The following ARMC6 variants were observed in gnomAD, a reference collection of about 807,000 sequenced individuals.
The protein encoded by ARMC6 is armadillo repeat containing 6.
ARMC6 carries 43 observed loss-of-function variants against 49.2 expected under a neutral mutation model. That is an observed-to-expected ratio of 0.87 (90% confidence interval 0.69 to 1.13). The LOEUF (loss-of-function observed/expected upper bound fraction) is 1.13. Among genes scored for constraint, ARMC6 ranks in the 50% most tolerant of loss-of-function variants. ARMC6 has a pLI of 0.00. For synonymous variants in ARMC6, 262 were observed against 289.6 expected (o/e 0.90, Z 0.97); for missense variants, 627 against 682.0 (o/e 0.92, Z 0.90).
chr19:19,053,313 C>T (rs987691763), intron 5 of ARMC6, among the ~76,000 whole-genome samples: 1 of 151,994 alleles, frequency 6.6e-6, no homozygotes, highest in African/African-American at 2.4e-5. Flanking sequence ...CATGATGAAA[C>T]CCTGTTTCTA....
intron 2 of ARMC6, among the ~76,000 whole-genome samples, chr19:19,037,055 G>A (rs2269807): frequency 0.91 from 138,747 of 152,248 alleles, 63,437 homozygotes; most frequent in African/African-American, 0.98. Flanking sequence ...GCGTGGTGGC[G>A]TGGGCCTGTA....
At chr19:19,039,278 G>T (rs1031321415) in intron 2 of ARMC6, 11 of 401,430 alleles carry the variant, frequency 2.7e-5, no homozygotes, top group African/African-American at 1.6e-4. Flanking sequence ...TCAACCACAC[G>T]CAAATGCCAC....
At chr19:19,048,903 T>A (rs568922988) in intron 4 of ARMC6, among the ~76,000 whole-genome samples, 1 of 152,286 alleles carries the variant, frequency 6.6e-6, no homozygotes, top group African/African-American at 2.4e-5. Context: ...CAAAAAAGTC[T>A]TACGATGATC....
intron 4 of ARMC6, among the ~76,000 whole-genome samples, chr19:19,046,955 CTT>C (rs1405584876): frequency 3.4e-4 from 24 of 71,056 alleles, no homozygotes; most frequent in East Asian, 4.7e-4. Context: ...TTTTCTATTT[CTT>C]TTTTTTTTTT....
At chr19:19,037,529 G>T (rs1310535883) in intron 2 of ARMC6, 1 of 613,348 alleles carries the variant, frequency 1.6e-6, no homozygotes, top group Admixed American at 2.4e-5. Flanking sequence ...CCCACACCTG[G>T]CTAATTTTGG....
intron 4 of ARMC6, among the ~76,000 whole-genome samples, chr19:19,049,389 C>T (rs1304948358): frequency 6.6e-6 from 1 of 152,098 alleles, no homozygotes; most frequent in Non-Finnish European, 1.5e-5. Flanking sequence ...TCCTTGCTAA[C>T]TTAGTAATTC....
At chr19:19,057,261 T>C (rs1175715164) in intron 8 of ARMC6, among the ~76,000 whole-genome samples, 155 bp from the exon 9 acceptor site, 1 of 152,162 alleles carries the variant, frequency 6.6e-6, no homozygotes, top group African/African-American at 2.4e-5. Flanking sequence ...GAGGGTAAAG[T>C]AGAGAGATGG....
At chr19:19,034,479 G>A (rs1285440504) in intron 2 of ARMC6, among the ~76,000 whole-genome samples, 1 of 152,222 alleles carries the variant, frequency 6.6e-6, no homozygotes, top group East Asian at 1.9e-4. Flanking sequence ...GGCTCTGGGA[G>A]TGGCAGGTGA....
At chr19:19,040,017 G>T (rs569117640) in intron 2 of ARMC6, among the ~76,000 whole-genome samples, 1 of 152,168 alleles carries the variant, frequency 6.6e-6, no homozygotes, top group African/African-American at 2.4e-5. Flanking sequence ...CAGTTCCTCA[G>T]CCACACTGCC....
In ARMC6 at chr19:19,039,700, C is replaced by T. The variant is rs149203382; in HGVS notation, c.30-3011C>T. On this transcript the variant is annotated intron_variant, in intron 2 of 8. Transcript: ENST00000535612. ...GACATCATGTTTTTGAGGTCTATCT[C>T]CATTGTAGCATGCTTCAGCACCTCA... 1.5e-4 allele frequency among the ~76,000 whole-genome samples: 23 copies of T among 152,290 alleles called. 1 individual carries two copies. The East Asian group carries it at 4.4e-3, about 29-fold the overall frequency.
At chr19:19,034,651 T>A (rs2059329512) in intron 2 of ARMC6, among the ~76,000 whole-genome samples, 1 of 152,084 alleles carries the variant, frequency 6.6e-6, no homozygotes. Flanking sequence ...TGTAGTGGCA[T>A]GATCTTGACT....
chr19:19,038,199 C>T (rs934851362), intron 2 of ARMC6, among the ~76,000 whole-genome samples: 1 of 152,140 alleles, frequency 6.6e-6, no homozygotes, highest in Non-Finnish European at 1.5e-5. Context: ...CTCAGGGCTC[C>T]CACTGATCCT....
intron 2 of ARMC6, 114 bp downstream of exon 2, chr19:19,034,352 G>C (rs1471257787): frequency 6.0e-6 from 8 of 1,333,214 alleles, no homozygotes; most frequent in Non-Finnish European, 8.3e-6. Context: ...AGAAAGGCGG[G>C]GAAGAGGAAC....
chr19:19,033,820 C>T lies in ARMC6; in HGVS notation c.-190C>T. 3.7e-6 allele frequency: 1 copy of T among 267,664 alleles called. No homozygotes were observed. The highest frequency in any genetic ancestry group is 7.8e-5 in the South Asian group (1 of 12,856). 16.6% of individuals were successfully genotyped at this position (267,664 alleles called of 1,614,324 possible). A position where few individuals can be genotyped will look rare whatever the true frequency, so the allele number is the denominator to read the frequency against. On this transcript the variant is annotated 5_prime_UTR_variant, in exon 1 of 9. Coordinates refer to ENST00000535612, the MANE Select transcript of ARMC6 (RefSeq NM_001199196.2). ...GTCCGCGAGTCTCTGGGAGGCCAAG[C>T]CTAGGGGCGCCACAGCGCCTGCGCG...
rs575382465 is a variant in ARMC6 at position 19,041,927 on chromosome 19, T to C, written c.30-784T>C. Reference sequence around the variant, plus strand: ...TGTTAGAATCTTTTTTTTTTCTTTTTGAGTCAGGGGCTTGCTCTGTTGCCC... The same window carrying C: ...TGTTAGAATCTTTTTTTTTTCTTTTCGAGTCAGGGGCTTGCTCTGTTGCCC... On this transcript the variant is annotated intron_variant, in intron 2 of 8. Transcript: ENST00000535612. 2.6e-5 allele frequency among the ~76,000 whole-genome samples: 4 copies of C among 152,304 alleles called. No homozygotes were observed. In the East Asian group the frequency reaches 5.8e-4, roughly 22 times the overall value.
intron 4 of ARMC6, among the ~76,000 whole-genome samples, chr19:19,051,375 C>CTCTGTGTGTG (rs372606082): frequency 3.9e-4 from 55 of 139,756 alleles, no homozygotes; most frequent in African/African-American, 1.0e-3. Context: ...CTCTCTCTCT[C>CTCTGTGTGTG]TGTGTGTGTG....
intron 4 of ARMC6, among the ~76,000 whole-genome samples, chr19:19,050,825 G>T (rs559193795): frequency 2.6e-5 from 4 of 152,336 alleles, no homozygotes; most frequent in African/African-American, 9.6e-5. Context: ...CTTTGGGCTG[G>T]TGGTTTCTGT....
chr19:19,055,017 C>A lies in ARMC6; in HGVS notation c.1024-248C>A, dbSNP rs2059531584. Among the ~76,000 whole-genome samples, 1 of 152,194 alleles carries A rather than the reference C, an allele frequency of 6.6e-6. No individual in the cohort carries two copies. The highest frequency in any genetic ancestry group is 2.4e-5 in the African/African-American group (1 of 41,450). ...GCCGTGGACAGGGGGACCCTGTGCT[C>A]TGAAGGCCGGCCTGAGTCACATGCC... On this transcript the variant is annotated intron_variant, in intron 6 of 8. Coordinates refer to ENST00000535612, the MANE Select transcript of ARMC6 (RefSeq NM_001199196.2). This position sits in a 1 kb window ranked among gnomAD's most constrained non-coding sequence, Gnocchi z 5.7.
chr19:19,042,184 C>T (rs1400149206), intron 2 of ARMC6, among the ~76,000 whole-genome samples: 1 of 152,148 alleles, frequency 6.6e-6, no homozygotes, highest in African/African-American at 2.4e-5. Flanking sequence ...GGCATTGACC[C>T]ACTGCGCCCA....
Sources: gnomAD v4.1 joint callset for allele counts (sites outside exome capture counted in the v4.1 genomes callset) on GRCh38, gnomAD v4.1.1 for gene constraint, Gnocchi (gnomAD v3.1) non-coding constraint, MANE v1.5 for transcripts, NCBI Gene and HGNC (gene_info 2026-07-23, HGNC 2026-07-21) for gene names.